Variants in CEP131 observed in about 807,000 individuals in gnomAD.
CEP131 encodes centrosomal protein 131.
Under a neutral mutation model 136.8 loss-of-function variants are expected in CEP131, and 99 were observed. The observed-to-expected ratio is 0.72, with a 90% CI of 0.62 to 0.86. The LOEUF is 0.86. Among genes scored for constraint, CEP131 ranks in the 40% least tolerant of loss-of-function variants. The pLI is 0.00. For synonymous variants in CEP131, 646 were observed against 612.7 expected, an observed-to-expected ratio of 1.05 and a Z score of -0.80; for missense variants, 1,459 against 1,463.0, an observed-to-expected ratio of 1.00 and a Z score of 0.04.
At chr17:81,192,290 C>T in intron 21 of CEP131, 28 bp downstream of exon 21, 2 of 1,546,552 alleles carry the variant, frequency 1.3e-6, no homozygotes, top group Non-Finnish European at 1.7e-6. Flanking sequence ...CCCCCAACCC[C>T]TGCCCACCTG....
In CEP131 at chr17:81,194,718, G is replaced by A. The variant is rs536468159; in HGVS notation, c.2119+152C>T. The A allele has an allele frequency of 2.2e-5, 16 of 737,946 alleles. No individual in the cohort carries two copies. The African/African-American group carries it at 2.8e-4, about 13-fold the overall frequency. 45.7% of individuals were successfully genotyped at this position (737,946 alleles called of 1,614,324 possible). A position where few individuals can be genotyped will look rare whatever the true frequency, so the allele number is the denominator to read the frequency against. On this transcript the variant is annotated intron_variant, in intron 17 of 25. Coordinates refer to ENST00000450824, the MANE Select transcript of CEP131 (RefSeq NM_014984.4). Reference sequence around the variant, plus strand: ...GGTCACGGCAGAAGCCGCAGCGGAGGCCGTGACGGGGGTGGTTGGGGCATG... The same window carrying A: ...GGTCACGGCAGAAGCCGCAGCGGAGACCGTGACGGGGGTGGTTGGGGCATG...
Position 81,195,866 on chromosome 17 carries a change from C to A in CEP131, c.1985G>T (p.Arg662Leu), listed in dbSNP as rs149897226. The stretch of plus-strand genomic sequence containing the variant: ...GTGCTGCGCCTGTGCCTGGGCCACA[C>A]GCTCGGTGCATCTCTGGTCCTCCTG... The part of the protein sequence containing the change: ...LKQEDQRCTE[R>L]VAQAQAQHEL... Residue 662 changes from arginine to leucine, a missense_variant, in exon 16 of 26, where the codon CGT becomes CTT. Arg to Leu is a moderately radical substitution (Grantham distance 102). This residue lies in a region of CEP131 where 1,026 missense variants were observed against 964.2 expected (regional missense o/e 1.06). Coordinates refer to ENST00000450824, the MANE Select transcript of CEP131 (RefSeq NM_014984.4). 9 of 1,607,404 alleles carry A rather than the reference C, an allele frequency of 5.6e-6. No individual in the cohort carries two copies. The highest frequency in any genetic ancestry group is 1.7e-4 in the Middle Eastern group (1 of 5,946).
intron 3 of CEP131, among the ~76,000 whole-genome samples, chr17:81,207,491 T>A (rs3961019): frequency 3.8e-4 from 1 of 2,620 alleles, no homozygotes; most frequent in African/African-American, 4.6e-4. Context: ...GACAAGGGCC[T>A]TATTTGTTTT....
At chr17:81,192,685 G>GGGGGGGGGCCCCCCC in intron 19 of CEP131, 51 bp downstream of exon 19, 7 of 478,426 alleles carry the variant, frequency 1.5e-5, no homozygotes, top group Non-Finnish European at 2.8e-5. Context: ...GGGGGGAGGG[G>GGGGGGGGGCCCCCCC]TCAGCCAGCG....
chr17:81,222,238 C>T (rs1299878244), intron 1 of CEP131, among the ~76,000 whole-genome samples: 1 of 152,188 alleles, frequency 6.6e-6, no homozygotes, highest in African/African-American at 2.4e-5. Flanking sequence ...TGTGTCCCTC[C>T]CAGGACCTGA....
At chr17:81,196,888 G>C in intron 14 of CEP131, 42 bp downstream of exon 14, 2 of 1,606,468 alleles carry the variant, frequency 1.2e-6, no homozygotes, top group Non-Finnish European at 1.7e-6. Context: ...CAGCAGGTAG[G>C]AGGCTAGCAG....
At chr17:81,196,092 C>G in intron 15 of CEP131, 141 bp from the exon 16 acceptor site, 1 of 654,216 alleles carries the variant, frequency 1.5e-6, no homozygotes, top group Admixed American at 2.9e-5. Flanking sequence ...TGTGGATGGA[C>G]CCTGGGGCCA....
At chr17:81,214,516 A>G (rs1432379115) in intron 2 of CEP131, among the ~76,000 whole-genome samples, 1 of 152,170 alleles carries the variant, frequency 6.6e-6, no homozygotes, top group Non-Finnish European at 1.5e-5. Flanking sequence ...AAATCACACC[A>G]TTGCACTCCA....
Position 81,190,917 on chromosome 17 carries a change from T to C in CEP131, c.2933A>G (p.Asp978Gly), listed in dbSNP as rs201129332. 8.4e-5 allele frequency: 134 copies of C among 1,603,672 alleles called. No homozygotes were observed. Among genetic ancestry groups the C allele is most frequent in the Non-Finnish European group, 1.1e-4 (129 of 1,178,588 alleles). ...LVRQKERALE[D>G]AQAVNEQLSS... ...CACCCGCCCACTCACCGCCTGCGCATCCTCCAGCGCCCGCTCCTTCTGCCG... is the reference window on the plus strand; with the variant it reads ...CACCCGCCCACTCACCGCCTGCGCACCCTCCAGCGCCCGCTCCTTCTGCCG... Residue 978 changes from aspartate to glycine, a missense_variant, in exon 23 of 26, where the codon GAT becomes GGT. Asp to Gly is a moderately conservative substitution (Grantham distance 94). Around this residue, in one of 3 missense-constraint regions of CEP131, gnomAD observed 1,026 missense variants for 964.2 expected, o/e 1.06. Transcript: ENST00000450824.
chr17:81,200,230 C>G, intron 8 of CEP131, 99 bp downstream of exon 8: 1 of 959,606 alleles, frequency 1.0e-6, no homozygotes, highest in Non-Finnish European at 1.6e-6. Context: ...CACGAGCAAT[C>G]CTAGGCTTTG....
intron 15 of CEP131, 122 bp from the exon 16 acceptor site, chr17:81,196,073 T>C: frequency 1.3e-6 from 1 of 760,664 alleles, no homozygotes; most frequent in Non-Finnish European, 2.1e-6. Context: ...GGGCTGCCCC[T>C]CCTAGGTTTG....
intron 1 of CEP131, among the ~76,000 whole-genome samples, chr17:81,221,210 G>A (rs2062382197): frequency 6.6e-6 from 1 of 151,806 alleles, no homozygotes; most frequent in Non-Finnish European, 1.5e-5. Flanking sequence ...GCTGCACCGG[G>A]CAAACACTCC....
rs1375744062 is a variant in CEP131 at position 81,208,284 on chromosome 17, T to C, written c.272+644A>G. ...CCCAGGAAGGGTCCACCCGGGGCCC[T>C]TGGTGACCCAGAACTCAGCCTTCAT... is the stretch of plus-strand genomic sequence containing the variant. On this transcript the variant is annotated intron_variant, in intron 3 of 25. Coordinates refer to ENST00000450824, the MANE Select transcript of CEP131 (RefSeq NM_014984.4). The surrounding 1 kb of genome is among the most constrained non-coding windows in gnomAD (Gnocchi z 5.6). 2.6e-5 allele frequency among the ~76,000 whole-genome samples: 4 copies of C among 152,194 alleles called. No homozygotes were observed. Among genetic ancestry groups the C allele is most frequent in the Non-Finnish European group, 5.9e-5 (4 of 68,030 alleles).
chr17:81,195,903 C>T lies in CEP131; in HGVS notation c.1948G>A (p.Ala650Thr), dbSNP rs1247239044. The change falls in exon 16 of 26, where the codon GCC (alanine) becomes ACC (threonine). Residue 650 changes from alanine to threonine, a missense_variant. By Grantham distance (58) the Ala-to-Thr change is moderately conservative. Transcript: ENST00000450824. ...CTCTGGTCCTCCTGCTTCAGCTCGG[C>T]CACCACAGCCTCGCACTTTTCACTC... Reference protein sequence around the residue: ...VLSEKCEAVVAELKQEDQRCT... With the variant: ...VLSEKCEAVVTELKQEDQRCT... 6.2e-7 allele frequency: 1 copy of T among 1,610,018 alleles called. No homozygotes were observed. Among genetic ancestry groups the T allele is most frequent in the Non-Finnish European group, 8.5e-7 (1 of 1,179,926 alleles).
rs1422665287 is a variant in CEP131, at chr17:81,192,721, G to GC, written c.2429+14dup. 1 of 1,536,918 alleles carries GC rather than the reference G, an allele frequency of 6.5e-7. No homozygotes were observed. Among genetic ancestry groups the GC allele is most frequent in the Non-Finnish European group, 8.9e-7 (1 of 1,129,326 alleles). ...AGGGGTCCCTGGGAGAGGGCGTGGT[G>GC]CCCCCGGGCGGCACCTGGCTGCCTG... On this transcript the variant is annotated intron_variant, in intron 19 of 25. Transcript: ENST00000450824.
chr17:81,191,408 T>C (rs1321801459), intron 21 of CEP131, 73 bp from the exon 22 acceptor site: 12 of 1,444,690 alleles, frequency 8.3e-6, no homozygotes, highest in Non-Finnish European at 9.6e-6. Context: ...CCTCAGGGGG[T>C]CCTGGGGGGC....
At chr17:81,194,757 G>A (rs1468983553) in intron 17 of CEP131, 113 bp downstream of exon 17, 41 of 916,718 alleles carry the variant, frequency 4.5e-5, no homozygotes, top group South Asian at 2.4e-4. Context: ...GTTCACCTCT[G>A]CCCAGGAAGG....
intron 2 of CEP131, among the ~76,000 whole-genome samples, chr17:81,212,181 G>A (rs935397950): frequency 6.6e-6 from 1 of 151,482 alleles, no homozygotes; most frequent in Non-Finnish European, 1.5e-5. Context: ...AAATTAGCCG[G>A]GCATGGTGGC....
chr17:81,220,332 C>T (rs146831739), intron 1 of CEP131, among the ~76,000 whole-genome samples: 2 of 152,208 alleles, frequency 1.3e-5, no homozygotes, highest in African/African-American at 4.8e-5. Flanking sequence ...GGGCAAGGCC[C>T]GTGGGTGGGA....
Sources: allele counts gnomAD v4.1 joint callset (sites outside exome capture counted in the v4.1 genomes callset), GRCh38; gene constraint gnomAD v4.1.1; regional missense constraint gnomAD v4.1.1; non-coding constraint Gnocchi (gnomAD v3.1); transcripts MANE v1.5; gene names NCBI Gene and HGNC (gene_info 2026-07-23, HGNC 2026-07-21).